PDCD11: variants seen among roughly 807,000 people sequenced by gnomAD.
PDCD11 encodes protein RRP5 homolog.
A neutral mutation model predicts 198.9 loss-of-function variants in PDCD11; 97 were observed. The observed-to-expected ratio is 0.49, with a 90% CI of 0.41 to 0.58. The LOEUF (loss-of-function observed/expected upper bound fraction) is 0.58, where lower values mean the gene tolerates loss of function less well. Ranked by LOEUF, PDCD11 falls within the 20% of genes least tolerant of loss-of-function variation. The pLI is 0.00. For missense variants in PDCD11, 2,102 were observed against 2,312.7 expected (o/e 0.91, Z 1.87); for synonymous variants, 893 against 918.0 (o/e 0.97, Z 0.49).
intron 12 of PDCD11, among the ~76,000 whole-genome samples, 188 bp downstream of exon 12, chr10:103,415,339 A>G (rs781670065): frequency 6.6e-6 from 1 of 152,216 alleles, no homozygotes; most frequent in African/African-American, 2.4e-5. Context: ...TAAAATATTC[A>G]TACGTGATGA....
chr10:103,439,609 C>A, intron 27 of PDCD11, 137 bp from the exon 28 acceptor site: 1 of 932,182 alleles, frequency 1.1e-6, no homozygotes, highest in Non-Finnish European at 1.7e-6. Flanking sequence ...CCACTTCATC[C>A]TGCTGAATGC....
Position 103,438,914 on chromosome 10 carries a change from G to C in PDCD11, c.4025+106G>C, listed in dbSNP as rs116091888. ...TCAACTTCTTTGATGGGAATATGAA[G>C]GGAGGAGAGTTTATGAGTCCCCACT... On this transcript the variant is annotated intron_variant, in intron 27 of 35. Transcript: ENST00000369797. 2,063 of 1,217,726 alleles carry C rather than the reference G, an allele frequency of 1.7e-3. 17 individuals carry two copies. In the African/African-American group the frequency reaches 0.023, roughly 14 times the overall value. The allele number at this position is 1,217,726 out of a possible 1,614,324, so 75.4% of individuals were successfully genotyped here. A position where few individuals can be genotyped will look rare whatever the true frequency, so the allele number is the denominator to read the frequency against.
rs898969356 is a variant in PDCD11 at position 103,421,564 on chromosome 10, C to T, written c.2494C>T (p.Arg832Ter). ...GGGCGTGCGCAGCCTTATGAGCAAC[C>T]GAGGTGGGGCACCTGTGGGGCAGGG... ...LQGVRSLMSN[R>*]DSVLIQTLAE... Residue 832 changes from arginine (R) to a stop codon, truncating the protein, a stop_gained, in exon 17 of 36, where the codon CGA (arginine) becomes TGA (stop). Coordinates refer to ENST00000369797, the MANE Select transcript of PDCD11 (RefSeq NM_014976.2). LOFTEE classifies it high-confidence loss of function. The T allele has an allele frequency of 1.9e-6, 3 of 1,550,834 alleles. No homozygotes were observed. Among genetic ancestry groups the T allele is most frequent in the Non-Finnish European group, 2.6e-6 (3 of 1,146,534 alleles).
Position 103,406,728 on chromosome 10 carries a change from C to T in PDCD11, c.808C>T (p.Gln270Ter), listed in dbSNP as rs879213310. 6.2e-7 allele frequency: 1 copy of T among 1,614,192 alleles called. No individual in the cohort carries two copies. The highest frequency in any genetic ancestry group is 8.5e-7 in the Non-Finnish European group (1 of 1,180,026). ...GGTTTCTACGGCCATTGCTACTGAACAGCAGAGCTGGAACCTTAATAACTT... is the reference window on the plus strand; with the variant it reads ...GGTTTCTACGGCCATTGCTACTGAATAGCAGAGCTGGAACCTTAATAACTT... ...SEVSTAIATE[Q>*]QSWNLNNLLP... The change falls in exon 7 of 36, where the codon CAG becomes TAG. Residue 270 changes from glutamine (Q) to a stop codon, truncating the protein, a stop_gained. Coordinates refer to ENST00000369797, the MANE Select transcript of PDCD11 (RefSeq NM_014976.2). LOFTEE classifies it high-confidence loss of function.
chr10:103,444,116 G>C (rs1434496951), intron 34 of PDCD11, 48 bp downstream of exon 34: 3 of 1,543,744 alleles, frequency 1.9e-6, no homozygotes, highest in Non-Finnish European at 2.6e-6. Context: ...TCCAGGATCG[G>C]GGAGTAGGAA....
intron 19 of PDCD11, 143 bp downstream of exon 19, chr10:103,423,801 C>A: frequency 1.6e-6 from 1 of 638,526 alleles, no homozygotes; most frequent in Non-Finnish European, 2.8e-6. Flanking sequence ...CGGTTTAGAC[C>A]TCTTGTCCTG....
Position 103,405,091 on chromosome 10 carries a change from A to G in PDCD11, c.472A>G (p.Ile158Val). 1 of 1,614,140 alleles carries G rather than the reference A, an allele frequency of 6.2e-7. No homozygotes were observed. The highest frequency in any genetic ancestry group is 8.5e-7 in the Non-Finnish European group (1 of 1,179,954). ...LVRCVVSSLG[I>V]TDRGKKSVKL... Reference sequence around the variant, plus strand: ...AAGATGTGTGGTGAGCAGTCTGGGCATCACAGACAGGGGCAAGAAGAGTGT... The same window carrying G: ...AAGATGTGTGGTGAGCAGTCTGGGCGTCACAGACAGGGGCAAGAAGAGTGT... Residue 158 changes from isoleucine (I) to valine (V), a missense_variant, in exon 5 of 36, where the codon ATC becomes GTC. Transcript: ENST00000369797.
At chr10:103,407,750 G>A (rs1186711243) in intron 7 of PDCD11, among the ~76,000 whole-genome samples, 5 of 150,548 alleles carry the variant, frequency 3.3e-5, no homozygotes, top group African/African-American at 7.3e-5. Flanking sequence ...ACGGAGGCTC[G>A]CCCTGTTGCC....
At chr10:103,403,864 T>C (rs2030273513) in intron 4 of PDCD11, among the ~76,000 whole-genome samples, 1 of 152,120 alleles carries the variant, frequency 6.6e-6, no homozygotes, top group Non-Finnish European at 1.5e-5. Context: ...AGATTCAATA[T>C]GGGTGGTGGG....
rs758562959 is a variant in PDCD11, at chr10:103,443,264, G to A, written c.5055G>A (p.Val1685=). The change falls in exon 33 of 36, where the codon GTG becomes GTA. Residue 1685 remains valine (V), a synonymous_variant. Coordinates refer to ENST00000369797, the MANE Select transcript of PDCD11 (RefSeq NM_014976.2). ...ESLTKVFERA[V]QYNEPLKVFL... is the part of the protein sequence containing the mutation. Reference sequence around the variant, plus strand: ...TGACCAAGGTCTTTGAGCGAGCCGTGCAGTACAACGAGCCTCTCAAAGTCT... The same window carrying A: ...TGACCAAGGTCTTTGAGCGAGCCGTACAGTACAACGAGCCTCTCAAAGTCT... 10 of 1,613,218 alleles carry A rather than the reference G, an allele frequency of 6.2e-6. 1 individual carries two copies. The highest frequency in any genetic ancestry group is 5.5e-5 in the South Asian group (5 of 91,064).
Position 103,428,002 on chromosome 10 carries a change from C to T in PDCD11, c.3368+611C>T, listed in dbSNP as rs1402150243. On this transcript the variant is annotated intron_variant, in intron 21 of 35. Coordinates refer to ENST00000369797, the MANE Select transcript of PDCD11 (RefSeq NM_014976.2). ...TTAATGCACCTAGAGATTTACAGAACGGTCTCCAAAGTAACTTCCAGAGCC... is the reference window on the plus strand; with the variant it reads ...TTAATGCACCTAGAGATTTACAGAATGGTCTCCAAAGTAACTTCCAGAGCC... Among the ~76,000 whole-genome samples the T allele has an allele frequency of 3.3e-5, 5 of 152,204 alleles. No individual in the cohort carries two copies. The South Asian group carries it at 6.2e-4, about 19-fold the overall frequency.
Position 103,406,938 on chromosome 10 carries a change from G to T in PDCD11, c.870+148G>T, listed in dbSNP as rs866789114. ...ATTTCAAATGTGGCCAGTGCCACATGTTGAAATGATAATATTTTGGATATA... is the reference window on the plus strand; with the variant it reads ...ATTTCAAATGTGGCCAGTGCCACATTTTGAAATGATAATATTTTGGATATA... On this transcript the variant is annotated intron_variant, in intron 7 of 35. Transcript: ENST00000369797. The T allele has an allele frequency of 2.6e-5, 15 of 582,972 alleles. No individual in the cohort carries two copies. The South Asian group carries it at 4.0e-4, about 16-fold the overall frequency. 36.1% of individuals were successfully genotyped at this position (582,972 alleles called of 1,614,324 possible).
chr10:103,423,744 G>A (rs140934384), intron 19 of PDCD11, 86 bp downstream of exon 19: 16 of 874,028 alleles, frequency 1.8e-5, no homozygotes, highest in African/African-American at 3.3e-5. Context: ...CAACTCAGAT[G>A]CCTGTAGCAA....
At chr10:103,416,853 A>G (rs1181842729) in intron 13 of PDCD11, 111 bp downstream of exon 13, 13 of 1,218,856 alleles carry the variant, frequency 1.1e-5, no homozygotes, top group African/African-American at 8.9e-5. Flanking sequence ...AAGAGAGCAC[A>G]TGGGGCAGTG....
chr10:103,411,065 ACT>A (rs1295795091), intron 8 of PDCD11, among the ~76,000 whole-genome samples: 4 of 147,730 alleles, frequency 2.7e-5, no homozygotes, highest in African/African-American at 1.0e-4. Context: ...ACAGAGTGAG[ACT>A]CTGTCTTTAA....
chr10:103,415,049 G>C lies in PDCD11; in HGVS notation c.1416G>C (p.Val472=). The change falls in exon 12 of 36, where the codon GTG becomes GTC. Residue 472 remains valine, a synonymous_variant. Transcript: ENST00000369797. The part of the protein sequence containing the change: ...TIKSYGMLVK[V]GEQMRGLVPP... ...AGTCATATGGGATGCTGGTGAAGGTGGGCGAGCAGATGAGGGGCCTGGTAC... is the reference window on the plus strand; with the variant it reads ...AGTCATATGGGATGCTGGTGAAGGTCGGCGAGCAGATGAGGGGCCTGGTAC... The C allele has an allele frequency of 6.2e-7, 1 of 1,614,158 alleles. No individual in the cohort carries two copies. The highest frequency in any genetic ancestry group is 8.5e-7 in the Non-Finnish European group (1 of 1,180,016).
Position 103,439,791 on chromosome 10 carries a change from C to T in PDCD11, c.4071C>T (p.Ser1357=). 6.2e-7 allele frequency: 1 copy of T among 1,614,150 alleles called. No individual in the cohort carries two copies. The highest frequency in any genetic ancestry group is 8.5e-7 in the Non-Finnish European group (1 of 1,180,032). Residue 1357 remains serine, a synonymous_variant, in exon 28 of 36, where the codon TCC becomes TCT. Coordinates refer to ENST00000369797, the MANE Select transcript of PDCD11 (RefSeq NM_014976.2). The part of the protein sequence containing the change: ...VVGLARYSHV[S]QHSPSKKALY... ...GTTTGGCTCGGTACTCCCATGTCTC[C>T]CAGCACAGCCCGTCCAAGAAAGCCC...
Position 103,418,617 on chromosome 10 carries a change from C to A in PDCD11, c.2089C>A (p.Gln697Lys). ...CCTTCACCGAGTCCTGTGTCTGAGC[C>A]AGAGCGAGGGGCGTGTTGTATCCTT... is the stretch of plus-strand genomic sequence containing the variant. ...DILHRVLCLS[Q>K]SEGRVLLCRK... Residue 697 changes from glutamine to lysine, a missense_variant, in exon 15 of 36, where the codon CAG becomes AAG. Coordinates refer to ENST00000369797, the MANE Select transcript of PDCD11 (RefSeq NM_014976.2). 1 of 1,613,956 alleles carries A rather than the reference C, an allele frequency of 6.2e-7. No homozygotes were observed. Among genetic ancestry groups the A allele is most frequent in the East Asian group, 2.2e-5 (1 of 44,880 alleles).
At position 103,405,097 on chromosome 10, in the gene PDCD11, G is replaced by C; in HGVS notation, c.478G>C (p.Asp160His). 6.2e-7 allele frequency: 1 copy of C among 1,614,190 alleles called. No individual in the cohort carries two copies. Among genetic ancestry groups the C allele is most frequent in the Non-Finnish European group, 8.5e-7 (1 of 1,180,010 alleles). ...TGTGGTGAGCAGTCTGGGCATCACA[G>C]ACAGGGGCAAGAAGAGTGTCAAGCT... ...RCVVSSLGITDRGKKSVKLSL... is the reference protein window; with the variant it reads ...RCVVSSLGITHRGKKSVKLSL... Residue 160 changes from aspartate (D) to histidine (H), a missense_variant, in exon 5 of 36, where the codon GAC (aspartate) becomes CAC (histidine). Asp to His is a moderately conservative substitution (Grantham distance 81). Coordinates refer to ENST00000369797, the MANE Select transcript of PDCD11 (RefSeq NM_014976.2).
Sources: allele counts gnomAD v4.1 joint callset (sites outside exome capture counted in the v4.1 genomes callset), GRCh38; gene constraint gnomAD v4.1.1; transcripts MANE v1.5; gene names NCBI Gene and HGNC (gene_info 2026-07-23, HGNC 2026-07-21).